Variants in CIDEA observed in about 807,000 individuals in gnomAD.
The protein encoded by CIDEA is lipid transferase CIDEA.
CIDEA carries 10 observed loss-of-function variants against 18.2 expected under a neutral mutation model. The ratio of observed to expected loss-of-function variants is 0.55; its 90% CI spans 0.34 to 0.93. The LOEUF (loss-of-function observed/expected upper bound fraction) is 0.93. Among genes scored for constraint, CIDEA ranks in the 40% least tolerant of loss-of-function variants. The probability of loss-of-function intolerance (pLI) is 0.02; values close to 1 mark genes in which losing one functional copy is unlikely to be tolerated. For missense variants in CIDEA, 309 were observed against 293.1 expected (o/e 1.05, Z -0.40); for synonymous variants, 128 against 124.8 (o/e 1.03, Z -0.17).
chr18:12,273,564 C>G (rs1246203998), intron 3 of CIDEA, among the ~76,000 whole-genome samples: 3 of 152,202 alleles, frequency 2.0e-5, no homozygotes, highest in Non-Finnish European at 4.4e-5. Context: ...GGAGTCCGCT[C>G]TCAACCCTGG....
intron 3 of CIDEA, among the ~76,000 whole-genome samples, chr18:12,268,482 G>A (rs1341054124): frequency 6.8e-6 from 1 of 147,866 alleles, no homozygotes; most frequent in Non-Finnish European, 1.5e-5. Flanking sequence ...CTGCTACCTC[G>A]ACCTCCTGGG....
At position 12,277,488 on chromosome 18, in the gene CIDEA, G is replaced by C. The variant is rs141835551; in HGVS notation, c.*218G>C. The C allele has an allele frequency of 1.7e-3, 949 of 561,852 alleles. 10 individuals are homozygous for C. The highest frequency in any genetic ancestry group is 0.011 in the Middle Eastern group (22 of 2,070). The allele number at this position is 561,852 out of a possible 1,614,324, so 34.8% of individuals were successfully genotyped here. A position where few individuals can be genotyped will look rare whatever the true frequency, so the allele number is the denominator to read the frequency against. On this transcript the variant is annotated 3_prime_UTR_variant, in exon 5 of 5. Transcript: ENST00000320477. The stretch of plus-strand genomic sequence containing the variant: ...GGGGGAGGCATAGAGGGCCCTGGGG[G>C]TCATGGGAAGCGAGCACGCAGCAGG...
At chr18:12,254,733 T>C (rs1229686197) in intron 1 of CIDEA, 1 of 1,454,424 alleles carries the variant, frequency 6.9e-7, no homozygotes, top group Admixed American at 2.1e-5. Context: ...AGCTGGCGAG[T>C]GGCTGCATGC....
chr18:12,277,203 T>C lies in CIDEA; in HGVS notation c.593T>C (p.Val198Ala). The C allele has an allele frequency of 6.2e-7, 1 of 1,614,050 alleles. No individual in the cohort carries two copies. Among genetic ancestry groups the C allele is most frequent in the Non-Finnish European group, 8.5e-7 (1 of 1,180,032 alleles). Residue 198 changes from valine to alanine, a missense_variant, in exon 5 of 5, where the codon GTG becomes GCG. By Grantham distance (64) the Val-to-Ala change is moderately conservative (BLOSUM62 0). Transcript: ENST00000320477. ...TATCTGGGCACATACATGCTCCGGGTGCTGGATGACAAGGAAGAGCGGCCA... is the reference window on the plus strand; with the variant it reads ...TATCTGGGCACATACATGCTCCGGGCGCTGGATGACAAGGAAGAGCGGCCA... ...LIYLGTYMLR[V>A]LDDKEERPSL...
chr18:12,267,536 AC>A lies in CIDEA; in HGVS notation c.330+3087del, dbSNP rs540247328. ...TTTACTCTCCTAAAAATTAACGAGG[AC>A]CCCAAACAGCCTTTGGCATGATCTC... On this transcript the variant is annotated intron_variant, in intron 3 of 4. Transcript: ENST00000320477. Among the ~76,000 whole-genome samples the A allele has an allele frequency of 4.3e-3, 660 of 152,252 alleles. 9 individuals carry two copies. Among genetic ancestry groups the A allele is most frequent in the South Asian group, 0.011 (51 of 4,824 alleles).
Position 12,268,229 on chromosome 18 carries a change from C to CTTTTTTTTTT in CIDEA, c.330+3776_330+3777insTTTTTTTTTT, listed in dbSNP as rs1491473988. On this transcript the variant is annotated intron_variant, in intron 3 of 4. Coordinates refer to ENST00000320477, the MANE Select transcript of CIDEA (RefSeq NM_001279.4). ...ACAAGTGCCTGCCACCATGCCCGGC[C>CTTTTTTTTTT]ATTTTTTTTTTTTTTTTTTTTTTCA... Among the ~76,000 whole-genome samples, 13 of 73,004 alleles carry CTTTTTTTTTT rather than the reference C, an allele frequency of 1.8e-4. 3 individuals are homozygous for CTTTTTTTTTT. Among genetic ancestry groups the CTTTTTTTTTT allele is most frequent in the Admixed American group, 3.8e-4 (2 of 5,326 alleles). The allele number at this position is 73,004 out of a possible 152,430, so 47.9% of individuals were successfully genotyped here.
At chr18:12,275,270 C>A (rs1402635124) in intron 4 of CIDEA, among the ~76,000 whole-genome samples, 1 of 152,218 alleles carries the variant, frequency 6.6e-6, no homozygotes, top group Non-Finnish European at 1.5e-5. Flanking sequence ...TTGCAGTGAG[C>A]TGAGATCCGC....
At chr18:12,274,800 G>GAAC (rs1360687369) in intron 4 of CIDEA, among the ~76,000 whole-genome samples, 1 of 152,212 alleles carries the variant, frequency 6.6e-6, no homozygotes, top group East Asian at 1.9e-4. Flanking sequence ...CCAGGAAACA[G>GAAC]AACTTTTAGA....
intron 4 of CIDEA, among the ~76,000 whole-genome samples, chr18:12,274,749 C>T (rs1727416607): frequency 6.6e-6 from 1 of 152,154 alleles, no homozygotes. Flanking sequence ...GCCAGGGCAC[C>T]GTCATCCCAA....
At chr18:12,255,736 T>C (rs1912014481) in intron 1 of CIDEA, among the ~76,000 whole-genome samples, 1 of 152,190 alleles carries the variant, frequency 6.6e-6, no homozygotes, top group Non-Finnish European at 1.5e-5. Context: ...CCAATCCTGG[T>C]TGGCCTCTGA....
At chr18:12,264,678 G>A (rs532975272) in intron 3 of CIDEA, among the ~76,000 whole-genome samples, 2 of 151,720 alleles carry the variant, frequency 1.3e-5, no homozygotes, top group African/African-American at 2.4e-5. Context: ...CTCAGCCTCC[G>A]GAGTAGCTGG....
At chr18:12,270,722 T>C (rs939735939) in intron 3 of CIDEA, among the ~76,000 whole-genome samples, 7 of 101,938 alleles carry the variant, frequency 6.9e-5, no homozygotes, top group Non-Finnish European at 1.1e-4. Flanking sequence ...AAAAAGCAGG[T>C]GGGGAGATGT....
chr18:12,271,988 G>A (rs28378731), intron 3 of CIDEA, among the ~76,000 whole-genome samples: 1,736 of 152,240 alleles, frequency 0.011, 34 homozygotes, highest in African/African-American at 0.039. Context: ...AAGTCAGAAA[G>A]GGATGTGAGG....
rs751495613 is a variant in CIDEA at position 12,274,045 on chromosome 18, G to A, written c.331-48G>A. The A allele has an allele frequency of 5.6e-6, 9 of 1,598,612 alleles. No individual in the cohort carries two copies. In the East Asian group the frequency reaches 1.1e-4, roughly 20 times the overall value. On this transcript the variant is annotated intron_variant, in intron 3 of 4. Transcript: ENST00000320477. Reference sequence around the variant, plus strand: ...GCATAAGAGCAGAGTGATGACGTGGGAGGGTTAGGAAGGCTCCTGAAGCCT... The same window carrying A: ...GCATAAGAGCAGAGTGATGACGTGGAAGGGTTAGGAAGGCTCCTGAAGCCT...
chr18:12,275,538 G>C (rs1479248976), intron 4 of CIDEA, among the ~76,000 whole-genome samples: 1 of 152,214 alleles, frequency 6.6e-6, no homozygotes, highest in Non-Finnish European at 1.5e-5. Flanking sequence ...AAGTCGAAAA[G>C]TTTTGCAGCT....
At chr18:12,263,051 A>C in intron 2 of CIDEA, 82 bp downstream of exon 2, 1 of 1,456,550 alleles carries the variant, frequency 6.9e-7, no homozygotes, top group South Asian at 1.3e-5. Flanking sequence ...GCTCTAAGCC[A>C]GGGCCAGCAC....
intron 1 of CIDEA, among the ~76,000 whole-genome samples, chr18:12,258,160 G>T (rs1912090429): frequency 6.6e-6 from 1 of 152,238 alleles, no homozygotes; most frequent in Non-Finnish European, 1.5e-5. Flanking sequence ...AAATGCTACA[G>T]GTGAGAACAA....
At chr18:12,276,098 A>G (rs1235517078) in intron 4 of CIDEA, among the ~76,000 whole-genome samples, 1 of 148,020 alleles carries the variant, frequency 6.8e-6, no homozygotes, top group East Asian at 2.0e-4. Context: ...AGTTCAAGCC[A>G]TTCCCGTGGC....
At chr18:12,259,103 T>C (rs961238149) in intron 1 of CIDEA, among the ~76,000 whole-genome samples, 58 of 152,314 alleles carry the variant, frequency 3.8e-4, no homozygotes, top group African/African-American at 1.4e-3. Flanking sequence ...TGGGGCCGCG[T>C]TGGTGCACAG....
Sources: allele counts gnomAD v4.1 joint callset (sites outside exome capture counted in the v4.1 genomes callset), GRCh38; gene constraint gnomAD v4.1.1; transcripts MANE v1.5; gene names NCBI Gene and HGNC (gene_info 2026-07-23, HGNC 2026-07-21).